Variants in SLCO3A1 observed in about 807,000 individuals in gnomAD.
SLCO3A1 encodes solute carrier organic anion transporter family member 3A1.
In SLCO3A1, 27 loss-of-function variants were observed where a neutral mutation model predicts 63.1. That is an observed-to-expected ratio of 0.43 (90% CI 0.32 to 0.59). The LOEUF (loss-of-function observed/expected upper bound fraction) is 0.59, where lower values mean the gene tolerates loss of function less well. Among genes scored for constraint, SLCO3A1 ranks in the 20% least tolerant of loss-of-function variants. SLCO3A1 has a pLI of 0.09. For missense variants in SLCO3A1, 773 were observed against 945.8 expected (o/e 0.82, Z 2.40); for synonymous variants, 473 against 409.9 (o/e 1.15, Z -1.86).
intron 2 of SLCO3A1, among the ~76,000 whole-genome samples, chr15:91,991,526 C>G (rs962537539): frequency 6.6e-6 from 1 of 152,162 alleles, no homozygotes; most frequent in African/African-American, 2.4e-5. Context: ...TCAGTGCCAT[C>G]CAGTAGACAT....
intron 4 of SLCO3A1, among the ~76,000 whole-genome samples, chr15:92,112,545 C>T (rs1317663222): frequency 6.6e-6 from 1 of 152,130 alleles, no homozygotes; most frequent in Admixed American, 6.5e-5. Context: ...TTCGAAGCCC[C>T]CTAGATGATT....
intron 2 of SLCO3A1, among the ~76,000 whole-genome samples, chr15:91,933,848 A>G (rs1899315867): frequency 6.6e-6 from 1 of 152,218 alleles, no homozygotes; most frequent in African/African-American, 2.4e-5. Context: ...ATGCCACATT[A>G]CACTGCTTCA....
chr15:92,074,331 A>C (rs1240008362), intron 2 of SLCO3A1, among the ~76,000 whole-genome samples: 2 of 152,230 alleles, frequency 1.3e-5, no homozygotes, highest in African/African-American at 4.8e-5. Context: ...CGAAAGATGC[A>C]GTCAGAGGCT....
At chr15:92,053,179 A>G (rs1334510419) in intron 2 of SLCO3A1, among the ~76,000 whole-genome samples, 1 of 152,178 alleles carries the variant, frequency 6.6e-6, no homozygotes, top group African/African-American at 2.4e-5. Context: ...CAGGACCAGC[A>G]CAGTCTTCTC....
chr15:91,913,141 C>A (rs1175727707), intron 1 of SLCO3A1, among the ~76,000 whole-genome samples: 1 of 152,228 alleles, frequency 6.6e-6, no homozygotes, highest in African/African-American at 2.4e-5. Flanking sequence ...CGGCAAACAC[C>A]TGGTGTTTTA....
intron 2 of SLCO3A1, among the ~76,000 whole-genome samples, chr15:91,977,875 A>C (rs530347107): frequency 4.1e-4 from 63 of 152,326 alleles, no homozygotes; most frequent in African/African-American, 1.4e-3. Flanking sequence ...CATATTTCCT[A>C]AATGATCCTC....
chr15:91,868,354 C>CTTTTTT (rs72068160), intron 1 of SLCO3A1, among the ~76,000 whole-genome samples: 1 of 104,904 alleles, frequency 9.5e-6, no homozygotes. Flanking sequence ...ACCCAGCCGG[C>CTTTTTT]TTTTTTTTTT....
chr15:92,075,746 A>G (rs780942487), intron 2 of SLCO3A1, among the ~76,000 whole-genome samples: 7 of 152,204 alleles, frequency 4.6e-5, no homozygotes, highest in Middle Eastern at 3.2e-3. Context: ...ACCCTTTGGC[A>G]CACTGGCCAA....
intron 9 of SLCO3A1, chr15:92,153,639 C>T (rs549624527): frequency 2.6e-5 from 4 of 152,210 alleles, no homozygotes; most frequent in Admixed American, 2.0e-4. Flanking sequence ...TGACAAGATT[C>T]GAGTTGGCAC....
At chr15:92,123,064 G>A (rs938402460) in intron 5 of SLCO3A1, among the ~76,000 whole-genome samples, 1 of 152,162 alleles carries the variant, frequency 6.6e-6, no homozygotes, top group African/African-American at 2.4e-5. Flanking sequence ...GTGTACAGAT[G>A]CAAAAGTTCA....
At chr15:91,960,205 G>C (rs1367778848) in intron 2 of SLCO3A1, among the ~76,000 whole-genome samples, 1 of 152,082 alleles carries the variant, frequency 6.6e-6, no homozygotes, top group African/African-American at 2.4e-5. Flanking sequence ...GGATGCTCTC[G>C]ATCTCCTGAC....
downstream of SLCO3A1, among the ~76,000 whole-genome samples, chr15:92,166,995 T>G (rs953176873): frequency 6.6e-6 from 1 of 152,126 alleles, no homozygotes. Flanking sequence ...TGCATAGAGG[T>G]CAATGCATCT....
chr15:92,165,729 A>G lies in SLCO3A1; in HGVS notation c.*2594A>G. 1 of 985,250 alleles carries G rather than the reference A, an allele frequency of 1.0e-6. No homozygotes were observed. The highest frequency in any genetic ancestry group is 1.2e-6 in the Non-Finnish European group (1 of 829,898). 61.0% of individuals were successfully genotyped at this position (985,250 alleles called of 1,614,324 possible). On this transcript the variant is annotated 3_prime_UTR_variant, in exon 10 of 10. Coordinates refer to ENST00000318445, the MANE Select transcript of SLCO3A1 (RefSeq NM_013272.4). ...ATTCTCATATAGTACCGAACAGAAA[A>G]CTCAGTCTAGTTTTAATTTGCCTTT...
intron 2 of SLCO3A1, among the ~76,000 whole-genome samples, chr15:92,043,597 A>G (rs908528330): frequency 5.9e-5 from 9 of 152,218 alleles, no homozygotes; most frequent in East Asian, 1.9e-4. Context: ...CAGCTTTTCA[A>G]TAGGCTCCAT....
chr15:92,064,973 T>A (rs12443372), intron 2 of SLCO3A1, among the ~76,000 whole-genome samples: 99,796 of 152,158 alleles, frequency 0.66, 33,281 homozygotes, highest in Admixed American at 0.79. Context: ...TGACTGTAGT[T>A]AATAATTTAT....
intron 9 of SLCO3A1, chr15:92,151,247 A>G: frequency 2.3e-6 from 1 of 440,802 alleles, no homozygotes; most frequent in Non-Finnish European, 4.0e-6. Context: ...GCCACCGTGA[A>G]TTCTCATCGG....
At chr15:92,154,369 C>T (rs1314410835) in intron 9 of SLCO3A1, among the ~76,000 whole-genome samples, 1 of 152,162 alleles carries the variant, frequency 6.6e-6, no homozygotes, top group Non-Finnish European at 1.5e-5. Flanking sequence ...CAGCGCTCTC[C>T]AGTGGAACGT....
chr15:92,044,141 C>T (rs1234277439), intron 2 of SLCO3A1, among the ~76,000 whole-genome samples: 1 of 152,140 alleles, frequency 6.6e-6, no homozygotes, highest in Admixed American at 6.5e-5. Flanking sequence ...ACCTCTGCCT[C>T]ATCTCCACCA....
At chr15:91,879,121 C>T (rs1897484475) in intron 1 of SLCO3A1, among the ~76,000 whole-genome samples, 1 of 152,174 alleles carries the variant, frequency 6.6e-6, no homozygotes, top group Non-Finnish European at 1.5e-5. Context: ...CTGAATTCGG[C>T]AGCCACTTTT....
Sources: allele counts gnomAD v4.1 joint callset (sites outside exome capture counted in the v4.1 genomes callset), GRCh38; gene constraint gnomAD v4.1.1; transcripts MANE v1.5; gene names NCBI Gene and HGNC (gene_info 2026-07-23, HGNC 2026-07-21).